Variants in NEK3 observed in about 807,000 individuals in gnomAD.
The protein encoded by NEK3 is serine/threonine-protein kinase Nek3.
A neutral mutation model predicts 66.0 loss-of-function variants in NEK3; 54 were observed. That is an observed-to-expected ratio of 0.82 (90% confidence interval 0.66 to 1.03). The LOEUF (loss-of-function observed/expected upper bound fraction) is 1.03, where lower values mean the gene tolerates loss of function less well. Among genes scored for constraint, NEK3 ranks in the 50% least tolerant of loss-of-function variants. The pLI is 0.00. For synonymous variants in NEK3, 200 were observed against 206.2 expected (o/e 0.97, Z 0.26); for missense variants, 593 against 603.0 (o/e 0.98, Z 0.17).
rs564131627 is a variant in NEK3 at position 52,132,733 on chromosome 13, T to C, written c.*409A>G. The C allele has an allele frequency of 3.8e-4, 62 of 161,878 alleles. No individual in the cohort carries two copies. In the South Asian group the frequency reaches 0.011, roughly 29 times the overall value. 10.0% of individuals were successfully genotyped at this position (161,878 alleles called of 1,614,324 possible). ...TAAACACATATCATAATGTGAATAATATCATACGGGCTGCTATAAAGGTCT... is the reference window on the plus strand; with the variant it reads ...TAAACACATATCATAATGTGAATAACATCATACGGGCTGCTATAAAGGTCT... On this transcript the variant is annotated 3_prime_UTR_variant, in exon 16 of 16. Coordinates refer to ENST00000610828, the MANE Select transcript of NEK3 (RefSeq NM_002498.3).
chr13:52,136,342 T>A (rs896546940), intron 12 of NEK3, 83 bp from the exon 13 acceptor site: 1 of 1,322,274 alleles, frequency 7.6e-7, no homozygotes, highest in Non-Finnish European at 1.0e-6. Flanking sequence ...CTAACAAATA[T>A]GGAAGTGTTT....
chr13:52,143,648 A>C (rs1594025075), intron 10 of NEK3, among the ~76,000 whole-genome samples: 1 of 152,204 alleles, frequency 6.6e-6, no homozygotes, highest in Non-Finnish European at 1.5e-5. Context: ...CCTACACAAC[A>C]AGCCAGAGAA....
In NEK3 at chr13:52,133,819, C is replaced by T; in HGVS notation, c.1310-4G>A. 1 of 1,595,188 alleles carries T rather than the reference C, an allele frequency of 6.3e-7. No homozygotes were observed. Among genetic ancestry groups the T allele is most frequent in the Non-Finnish European group, 8.5e-7 (1 of 1,170,124 alleles). On this transcript the variant is annotated splice_region_variant and splice_polypyrimidine_tract_variant and intron_variant, in intron 14 of 15. Transcript: ENST00000610828. ...CCTTTCAAGAACCCTTCTGAACCTTCAGGAGATATTAACAGAAAATATACC... is the reference window on the plus strand; with the variant it reads ...CCTTTCAAGAACCCTTCTGAACCTTTAGGAGATATTAACAGAAAATATACC...
intron 7 of NEK3, 56 bp downstream of exon 7, chr13:52,151,090 A>T: frequency 7.4e-7 from 1 of 1,344,300 alleles, no homozygotes; most frequent in East Asian, 2.4e-5. Context: ...CATCATTTGC[A>T]GGCTAAAATG....
At chr13:52,134,669 C>G (rs1044012673) in intron 14 of NEK3, among the ~76,000 whole-genome samples, 9 of 152,130 alleles carry the variant, frequency 5.9e-5, no homozygotes, top group African/African-American at 2.2e-4. Context: ...AGGGACTTTC[C>G]TAAAATGACA....
rs549109610 is a variant in NEK3, at chr13:52,145,916, G to A, written c.604-1025C>T. ...CCATTTACCTATGTAACAAAGCTGCGTACTCTGAACATGTACCCCAGAACT... is the reference window on the plus strand; with the variant it reads ...CCATTTACCTATGTAACAAAGCTGCATACTCTGAACATGTACCCCAGAACT... On this transcript the variant is annotated intron_variant, in intron 8 of 15. Coordinates refer to ENST00000610828, the MANE Select transcript of NEK3 (RefSeq NM_002498.3). 4.6e-5 allele frequency among the ~76,000 whole-genome samples: 7 copies of A among 152,152 alleles called. No homozygotes were observed. The East Asian group carries it at 7.7e-4, about 17-fold the overall frequency.
At chr13:52,151,046 C>T in intron 7 of NEK3, 100 bp downstream of exon 7, 1 of 829,238 alleles carries the variant, frequency 1.2e-6, no homozygotes, top group South Asian at 1.6e-5. Flanking sequence ...CAATATGATC[C>T]ATGCATCTGT....
chr13:52,156,169 C>A lies in NEK3; in HGVS notation c.23G>T (p.Arg8Ile). MDDYMVL[R>I]MIGEGSFGRA... ...GCCGAAGGAGCCCTCCCCAATCATTCTCAGGACCATGTAGTCATCCATGCT... is the reference window on the plus strand; with the variant it reads ...GCCGAAGGAGCCCTCCCCAATCATTATCAGGACCATGTAGTCATCCATGCT... The change falls in exon 2 of 16, where the codon AGA (arginine) becomes ATA (isoleucine). Residue 8 changes from arginine to isoleucine, a missense_variant. By Grantham distance (97) the Arg-to-Ile change is moderately conservative. Transcript: ENST00000610828. 6.2e-7 allele frequency: 1 copy of A among 1,600,822 alleles called. No homozygotes were observed. Among genetic ancestry groups the A allele is most frequent in the Non-Finnish European group, 8.5e-7 (1 of 1,173,186 alleles).
At chr13:52,148,355 A>G in intron 8 of NEK3, 60 bp downstream of exon 8, 1 of 1,506,546 alleles carries the variant, frequency 6.6e-7, no homozygotes, top group East Asian at 2.3e-5. Flanking sequence ...AATCTGTCAC[A>G]TTATTAGGGC....
At chr13:52,156,333 TAA>T (rs1956396287) in intron 1 of NEK3, 85 bp from the exon 2 acceptor site, 2 of 588,730 alleles carry the variant, frequency 3.4e-6, no homozygotes, top group African/African-American at 1.9e-5. Context: ...ATAACCATGA[TAA>T]GAGAAAAGCA....
chr13:52,159,622 T>A (rs1956428091), upstream of NEK3: 1 of 152,354 alleles, frequency 6.6e-6, no homozygotes, highest in East Asian at 1.9e-4. Context: ...GGGTCGTCTC[T>A]CGGGTTGCGG....
rs1056202154 is a variant in NEK3, at chr13:52,132,894, T to C, written c.*248A>G. ...ACGCTAGCATCCCATTTCTGTTCTA[T>C]GGGACTGCAAAGCCCGATGCTCACA... On this transcript the variant is annotated 3_prime_UTR_variant, in exon 16 of 16. Transcript: ENST00000610828. 4.8e-6 allele frequency: 2 copies of C among 416,512 alleles called. No individual in the cohort carries two copies. Among genetic ancestry groups the C allele is most frequent in the East Asian group, 3.8e-5 (1 of 26,156 alleles). 25.8% of individuals were successfully genotyped at this position (416,512 alleles called of 1,614,324 possible). A position where few individuals can be genotyped will look rare whatever the true frequency, so the allele number is the denominator to read the frequency against.
At chr13:52,155,747 G>T (rs1367007856) in intron 2 of NEK3, among the ~76,000 whole-genome samples, 1 of 152,186 alleles carries the variant, frequency 6.6e-6, no homozygotes, top group Non-Finnish European at 1.5e-5. Flanking sequence ...CACAATCTCA[G>T]CTTACTGCAA....
At chr13:52,138,945 A>G (rs1594022356) in intron 11 of NEK3, among the ~76,000 whole-genome samples, 1 of 152,168 alleles carries the variant, frequency 6.6e-6, no homozygotes, top group South Asian at 2.1e-4. Context: ...AGAGAAGGAA[A>G]GAAAGAAAGG....
Position 52,156,172 on chromosome 13 carries a change from A to G in NEK3, c.20T>C (p.Leu7Pro). MDDYMV[L>P]RMIGEGSFGR... Reference sequence around the variant, plus strand: ...GAAGGAGCCCTCCCCAATCATTCTCAGGACCATGTAGTCATCCATGCTGGG... The same window carrying G: ...GAAGGAGCCCTCCCCAATCATTCTCGGGACCATGTAGTCATCCATGCTGGG... The change falls in exon 2 of 16, where the codon CTG becomes CCG. Residue 7 changes from leucine to proline, a missense_variant. Physicochemically the swap from Leu to Pro is moderately conservative, Grantham distance 98. Transcript: ENST00000610828. 6.3e-7 allele frequency: 1 copy of G among 1,597,970 alleles called. No individual in the cohort carries two copies. Among genetic ancestry groups the G allele is most frequent in the Non-Finnish European group, 8.5e-7 (1 of 1,171,458 alleles).
intron 1 of NEK3, chr13:52,156,682 G>C (rs73500197): frequency 1.3e-5 from 2 of 152,752 alleles, no homozygotes; most frequent in African/African-American, 4.8e-5. Flanking sequence ...CTTTTGTCTA[G>C]TTACTTCTCT....
At chr13:52,140,975 C>A in intron 11 of NEK3, 45 bp downstream of exon 11, 2 of 1,498,262 alleles carry the variant, frequency 1.3e-6, no homozygotes, top group South Asian at 2.5e-5. Flanking sequence ...CCACCACGCC[C>A]GGCCACCGCG....
At chr13:52,147,116 T>C (rs1250281735) in intron 8 of NEK3, among the ~76,000 whole-genome samples, 5 of 152,170 alleles carry the variant, frequency 3.3e-5, no homozygotes, top group African/African-American at 1.2e-4. Context: ...GCAAAGTCTA[T>C]GTTTTCATGA....
intron 8 of NEK3, among the ~76,000 whole-genome samples, chr13:52,146,428 G>C (rs1042271704): frequency 1.3e-5 from 2 of 152,080 alleles, no homozygotes; most frequent in Non-Finnish European, 2.9e-5. Context: ...AAAGGTTTGA[G>C]AACAACTTTT....
Sources: allele counts gnomAD v4.1 joint callset (sites outside exome capture counted in the v4.1 genomes callset), GRCh38; gene constraint gnomAD v4.1.1; transcripts MANE v1.5; gene names NCBI Gene and HGNC (gene_info 2026-07-23, HGNC 2026-07-21).